Variants in MYO9A observed in about 807,000 individuals in gnomAD.
MYO9A encodes the protein myosin IXA.
In MYO9A, 103 loss-of-function variants were observed where a neutral mutation model predicts 293.3. The observed-to-expected ratio is 0.35, with a 90% CI of 0.30 to 0.41. The LOEUF (loss-of-function observed/expected upper bound fraction) is 0.41. Ranked by LOEUF, MYO9A falls within the 10% of genes least tolerant of loss-of-function variation. The pLI, the probability that MYO9A is intolerant of heterozygous loss-of-function variation, is 1.00. For missense variants in MYO9A, 2,685 were observed against 3,033.0 expected, an observed-to-expected ratio of 0.89 and a Z score of 2.69; for synonymous variants, 1,001 against 1,035.7, an observed-to-expected ratio of 0.97 and a Z score of 0.64.
At chr15:71,860,398 A>G (rs141936540) in intron 33 of MYO9A, among the ~76,000 whole-genome samples, 63 of 152,306 alleles carry the variant, frequency 4.1e-4, no homozygotes, top group African/African-American at 1.5e-3. Context: ...CAGAGCTAAA[A>G]TAATTTAGAG....
intron 1 of MYO9A, among the ~76,000 whole-genome samples, chr15:72,103,266 G>GCA (rs2080428814): frequency 1.5e-5 from 2 of 134,008 alleles, no homozygotes; most frequent in Admixed American, 1.5e-4. Context: ...GAGAAGCAGA[G>GCA]GCAGCAGCAG....
chr15:71,952,941 A>C (rs1359108321), intron 14 of MYO9A, among the ~76,000 whole-genome samples: 2 of 152,178 alleles, frequency 1.3e-5, no homozygotes, highest in Non-Finnish European at 2.9e-5. Context: ...CTAATTCCCT[A>C]AATTGGATTT....
intron 39 of MYO9A, among the ~76,000 whole-genome samples, chr15:71,839,916 T>C (rs1417850977): frequency 6.6e-6 from 1 of 152,256 alleles, no homozygotes; most frequent in Non-Finnish European, 1.5e-5. Flanking sequence ...TTTGCTGTTT[T>C]TGTTGAGACC....
rs558651071 is a variant in MYO9A at position 71,919,652 on chromosome 15, C to T, written c.2563-3160G>A. Among the ~76,000 whole-genome samples the T allele has an allele frequency of 4.6e-5, 7 of 151,734 alleles. No individual in the cohort carries two copies. In the South Asian group the frequency reaches 1.5e-3, roughly 32 times the overall value. On this transcript the variant is annotated intron_variant, in intron 18 of 41. Transcript: ENST00000356056. ...GGTCAGGAGTTCGAGACCAGCCTGG[C>T]CAACATGGCGAAACCCCATCTCTAC...
At chr15:72,103,385 CAGCAGCAGA>C (rs2080443857) in intron 1 of MYO9A, among the ~76,000 whole-genome samples, 1 of 145,626 alleles carries the variant, frequency 6.9e-6, no homozygotes, top group Non-Finnish European at 1.5e-5. Flanking sequence ...GCAGAAGCAG[CAGCAGCAGA>C]AGCAGCAGCA....
intron 14 of MYO9A, 101 bp downstream of exon 14, chr15:71,959,799 AG>A: frequency 2.8e-6 from 3 of 1,066,406 alleles, no homozygotes; most frequent in Non-Finnish European, 4.0e-6. Context: ...TTTGTCCTTG[AG>A]AATCTCATAG....
At chr15:72,001,650 C>A (rs375956948) in intron 8 of MYO9A, among the ~76,000 whole-genome samples, 1 of 150,772 alleles carries the variant, frequency 6.6e-6, no homozygotes, top group Non-Finnish European at 1.5e-5. Context: ...TATGATAGAT[C>A]AATAATCTTT....
intron 4 of MYO9A, among the ~76,000 whole-genome samples, chr15:72,021,656 T>G (rs1489536080): frequency 6.6e-6 from 1 of 152,166 alleles, no homozygotes; most frequent in Non-Finnish European, 1.5e-5. Flanking sequence ...CCATAGAAAC[T>G]GAGGCAATCG....
Position 71,898,120 on chromosome 15 carries a change from C to T in MYO9A, c.4383G>A (p.Arg1461=), listed in dbSNP as rs757988719. The T allele has an allele frequency of 1.2e-6, 2 of 1,613,920 alleles. No homozygotes were observed. Among genetic ancestry groups the T allele is most frequent in the African/African-American group, 2.7e-5 (2 of 74,906 alleles). Reference sequence around the variant, plus strand: ...CTGAGCAGTGATACCTTCTAGTTTCCCTGTTGATATCCAAAGTAAGAGCTT... The same window carrying T: ...CTGAGCAGTGATACCTTCTAGTTTCTCTGTTGATATCCAAAGTAAGAGCTT... ...AGEALTLDIN[R]ETRRYHCSGK... The change falls in exon 25 of 42, where the codon AGG becomes AGA. Residue 1461 remains arginine (R), a synonymous_variant. Transcript: ENST00000356056.
chr15:71,905,648 G>A (rs1384572877), intron 19 of MYO9A, among the ~76,000 whole-genome samples: 8 of 151,456 alleles, frequency 5.3e-5, no homozygotes, highest in South Asian at 4.2e-4. Context: ...TTAGCCAGGC[G>A]TGGTGGTGCC....
rs111512348 is a variant in MYO9A, at chr15:71,978,073, T to G, written c.1844+98A>C. 3.9e-5 allele frequency: 52 copies of G among 1,318,568 alleles called. No individual in the cohort carries two copies. The Admixed American group carries it at 4.3e-4, about 11-fold the overall frequency. The allele number at this position is 1,318,568 out of a possible 1,614,324, so 81.7% of individuals were successfully genotyped here. ...AAAAAATAAATTGTACAAAAAAAAT[T>G]TGGCTCTTTATTTGGTAATGTAAGA... On this transcript the variant is annotated intron_variant, in intron 12 of 41. Coordinates refer to ENST00000356056, the MANE Select transcript of MYO9A (RefSeq NM_006901.4).
intron 34 of MYO9A, among the ~76,000 whole-genome samples, chr15:71,855,196 T>C (rs2055816126): frequency 6.6e-6 from 1 of 152,148 alleles, no homozygotes; most frequent in Admixed American, 6.5e-5. Flanking sequence ...AGTGCAGTGA[T>C]GCGATCTCAG....
chr15:71,849,067 GA>G (rs2055517532), intron 38 of MYO9A, 99 bp from the exon 39 acceptor site: 1 of 1,179,492 alleles, frequency 8.5e-7, no homozygotes, highest in Non-Finnish European at 1.1e-6. Flanking sequence ...AAAGATGAAG[GA>G]AAAAATTAAC....
intron 18 of MYO9A, among the ~76,000 whole-genome samples, chr15:71,921,627 C>T (rs1002522725): frequency 2.6e-5 from 4 of 152,042 alleles, no homozygotes; most frequent in Non-Finnish European, 5.9e-5. Flanking sequence ...TCTAGCATAG[C>T]CTGTGTAAAC....
At chr15:72,022,517 C>T (rs2077533316) in intron 4 of MYO9A, among the ~76,000 whole-genome samples, 1 of 148,976 alleles carries the variant, frequency 6.7e-6, no homozygotes, top group Non-Finnish European at 1.5e-5. Context: ...GAGACTCTGT[C>T]TCAAAAAAAA....
In MYO9A at chr15:72,044,481, C is replaced by T. The variant is rs576958975; in HGVS notation, c.840+1243G>A. 6.6e-5 allele frequency among the ~76,000 whole-genome samples: 10 copies of T among 152,188 alleles called. No homozygotes were observed. In the East Asian group the frequency reaches 1.7e-3, roughly 26 times the overall value. On this transcript the variant is annotated intron_variant, in intron 2 of 41. Transcript: ENST00000356056. ...AGTCATCATGAAGTACAATAGATCC[C>T]TTGACCTTATTCCTCCTATATAACT...
Position 71,825,995 on chromosome 15 carries a change from G to GTTTTGTTTTTTTTTTTTTTTTTTTTTT in MYO9A, c.*584_*585insAAAAAAAAAAAAAAAAAAAAAACAAAA, listed in dbSNP as rs1567169896. 2 of 91,526 alleles carry GTTTTGTTTTTTTTTTTTTTTTTTTTTT rather than the reference G, an allele frequency of 2.2e-5. No individual in the cohort carries two copies. Among genetic ancestry groups the GTTTTGTTTTTTTTTTTTTTTTTTTTTT allele is most frequent in the Non-Finnish European group, 2.2e-5 (1 of 44,770 alleles). 5.7% of individuals were successfully genotyped at this position (91,526 alleles called of 1,614,324 possible). On this transcript the variant is annotated 3_prime_UTR_variant, in exon 42 of 42. Coordinates refer to ENST00000356056, the MANE Select transcript of MYO9A (RefSeq NM_006901.4). ...ATGGAAACAATCACGGTTTTTTTTT[G>GTTTTGTTTTTTTTTTTTTTTTTTTTTT]TTTTTTTTTTTTTGTTTTTTTTTTT...
At chr15:71,849,120 G>C in intron 38 of MYO9A, 152 bp from the exon 39 acceptor site, 1 of 790,376 alleles carries the variant, frequency 1.3e-6, no homozygotes, top group Non-Finnish European at 1.9e-6. Flanking sequence ...TTAGAATGGT[G>C]GTTCACAACT....
At chr15:71,979,829 G>C in intron 11 of MYO9A, among the ~76,000 whole-genome samples, 1 of 152,292 alleles carries the variant, frequency 6.6e-6, no homozygotes, top group South Asian at 2.1e-4. Context: ...AAAAACAAGA[G>C]TATTGGGACT....
Sources: allele counts gnomAD v4.1 joint callset (sites outside exome capture counted in the v4.1 genomes callset), GRCh38; gene constraint gnomAD v4.1.1; transcripts MANE v1.5; gene names NCBI Gene and HGNC (gene_info 2026-07-23, HGNC 2026-07-21).